PRLR: variants seen among roughly 807,000 people sequenced by gnomAD.
PRLR encodes the protein prolactin receptor.
PRLR carries 13 observed loss-of-function variants against 40.2 expected under a neutral mutation model. That is an observed-to-expected ratio of 0.32 (90% confidence interval 0.21 to 0.51). PRLR has a LOEUF of 0.51. Among genes scored for constraint, PRLR ranks in the 20% least tolerant of loss-of-function variants. The probability of loss-of-function intolerance (pLI) is 0.97; values close to 1 mark genes in which losing one functional copy is unlikely to be tolerated. For missense variants in PRLR, 656 were observed against 747.3 expected (o/e 0.88, Z 1.42); for synonymous variants, 269 against 278.7 (o/e 0.97, Z 0.35).
intron 1 of PRLR, among the ~76,000 whole-genome samples, chr5:35,222,305 GA>G (rs33922370): frequency 0.77 from 115,143 of 149,826 alleles, 44,402 homozygotes; most frequent in Middle Eastern, 0.82. Context: ...CCATCCAAAA[GA>G]AAAAAAAAAA....
At chr5:35,176,080 GC>G (rs1775139833) in intron 1 of PRLR, among the ~76,000 whole-genome samples, 1 of 152,028 alleles carries the variant, frequency 6.6e-6, no homozygotes, top group East Asian at 1.9e-4. Context: ...TGCACATGCA[GC>G]CCCCATGTTT....
At chr5:35,086,179 G>A (rs754834185) in intron 4 of PRLR, 29 bp downstream of exon 4, 7 of 1,612,592 alleles carry the variant, frequency 4.3e-6, no homozygotes, top group East Asian at 2.2e-5. Flanking sequence ...CTCATGTGGG[G>A]TTTCATAGGA....
At chr5:35,208,960 A>C (rs1242887158) in intron 1 of PRLR, among the ~76,000 whole-genome samples, 1 of 152,178 alleles carries the variant, frequency 6.6e-6, no homozygotes, top group African/African-American at 2.4e-5. Context: ...GTACATCCAT[A>C]TGACGGAATG....
intron 8 of PRLR, among the ~76,000 whole-genome samples, chr5:35,050,549 A>G (rs998080903): frequency 6.6e-6 from 1 of 152,232 alleles, no homozygotes; most frequent in Non-Finnish European, 1.5e-5. Flanking sequence ...CCTTTCATCA[A>G]GTAGGAAAAT....
At chr5:35,147,735 C>T (rs928133310) in intron 1 of PRLR, among the ~76,000 whole-genome samples, 1 of 152,030 alleles carries the variant, frequency 6.6e-6, no homozygotes, top group African/African-American at 2.4e-5. Context: ...GAAGAAAGGC[C>T]TTGGTTTATA....
Position 35,060,765 on chromosome 5 carries a change from T to C in PRLR, c.*4324A>G, listed in dbSNP as rs1294759273. ...GTCAATGGCACATCTACGTTAGCAA[T>C]GCTTGGGATGGTAATTCAAAGTCAT... On this transcript the variant is annotated 3_prime_UTR_variant, in exon 10 of 10. Transcript: ENST00000618457. 5 of 152,228 alleles carry C rather than the reference T, an allele frequency of 3.3e-5. No individual in the cohort carries two copies. Among genetic ancestry groups the C allele is most frequent in the African/African-American group, 1.2e-4 (5 of 41,464 alleles). The allele number at this position is 152,228 out of a possible 1,614,324, so 9.4% of individuals were successfully genotyped here. A position where few individuals can be genotyped will look rare whatever the true frequency, so the allele number is the denominator to read the frequency against.
chr5:35,158,684 T>C (rs907417381), intron 1 of PRLR, among the ~76,000 whole-genome samples: 1 of 152,006 alleles, frequency 6.6e-6, no homozygotes, highest in Non-Finnish European at 1.5e-5. Context: ...AGTGAGAACA[T>C]GACTCAAGCA....
In PRLR at chr5:35,065,756, C is replaced by T. The variant is rs375733938; in HGVS notation, c.1202G>A (p.Gly401Asp). 34 of 1,613,920 alleles carry T rather than the reference C, an allele frequency of 2.1e-5. No individual in the cohort carries two copies. The highest frequency in any genetic ancestry group is 2.8e-5 in the Non-Finnish European group (33 of 1,180,004). Residue 401 changes from glycine to aspartate, a missense_variant, in exon 10 of 10, where the codon GGC (glycine) becomes GAC (aspartate). This residue lies in a region of PRLR where 469 missense variants were observed against 491.5 expected (regional missense o/e 0.95). Coordinates refer to ENST00000618457, the MANE Select transcript of PRLR (RefSeq NM_000949.7). ...TWDPQCISME[G>D]KIPYFHAGGS... ...ACCAGCATGAAAATAGGGGATTTTG[C>T]CTTCCATGCTTATGCACTGGGGGTC... is the stretch of plus-strand genomic sequence containing the variant.
chr5:35,130,319 G>T (rs1773625875), intron 1 of PRLR: 1 of 152,240 alleles, frequency 6.6e-6, no homozygotes, highest in Non-Finnish European at 1.5e-5. Flanking sequence ...AGGCAGCTGT[G>T]GTTTCAGCAA....
intron 5 of PRLR, among the ~76,000 whole-genome samples, chr5:35,077,651 AG>A (rs771913292): frequency 1.8e-4 from 27 of 152,340 alleles, no homozygotes; most frequent in Non-Finnish European, 3.2e-4. Context: ...TCGACGACAC[AG>A]AAAGTTAACA....
intron 1 of PRLR, among the ~76,000 whole-genome samples, chr5:35,211,179 C>CA (rs952997238): frequency 3.3e-5 from 5 of 152,182 alleles, no homozygotes; most frequent in Non-Finnish European, 5.9e-5. Context: ...TTGCAAAAGT[C>CA]AATGTTTTCT....
At position 35,056,914 on chromosome 5, in the gene PRLR, CA is replaced by C. The variant is rs1430523906; in HGVS notation, c.*8174del. ...AGGAGGCAGAGAAGAACTTGGAAAGCAAAACCACACACCATTTCACAATTCT... is the reference window on the plus strand; with the variant it reads ...AGGAGGCAGAGAAGAACTTGGAAAGCAAACCACACACCATTTCACAATTCT... On this transcript the variant is annotated 3_prime_UTR_variant, in exon 10 of 10. Transcript: ENST00000618457. 31 of 152,238 alleles carry C rather than the reference CA, an allele frequency of 2.0e-4. No homozygotes were observed. The highest frequency in any genetic ancestry group is 3.8e-4 in the Non-Finnish European group (26 of 67,998). The allele number at this position is 152,238 out of a possible 1,614,324, so 9.4% of individuals were successfully genotyped here.
chr5:35,192,464 C>A (rs568550379), intron 1 of PRLR, among the ~76,000 whole-genome samples: 1 of 152,026 alleles, frequency 6.6e-6, no homozygotes, highest in East Asian at 1.9e-4. Flanking sequence ...AGAAAGAAAG[C>A]GTGTAGGGTA....
chr5:35,126,041 T>A (rs1381194674), intron 1 of PRLR, among the ~76,000 whole-genome samples: 1 of 152,218 alleles, frequency 6.6e-6, no homozygotes, highest in Non-Finnish European at 1.5e-5. Flanking sequence ...TATCCAAAGC[T>A]GCCTTCTTCA....
At chr5:35,077,018 C>A (rs1770148826) in intron 5 of PRLR, among the ~76,000 whole-genome samples, 1 of 152,168 alleles carries the variant, frequency 6.6e-6, no homozygotes, top group African/African-American at 2.4e-5. Flanking sequence ...CACTACCAGG[C>A]CTGCCTTACA....
At chr5:35,205,871 A>G (rs1264391835) in intron 1 of PRLR, among the ~76,000 whole-genome samples, 3 of 152,228 alleles carry the variant, frequency 2.0e-5, no homozygotes, top group Admixed American at 6.5e-5. Context: ...AGCCCAGTAC[A>G]TATTGAACAG....
At chr5:35,210,909 G>A (rs948471339) in intron 1 of PRLR, among the ~76,000 whole-genome samples, 2 of 151,976 alleles carry the variant, frequency 1.3e-5, no homozygotes, top group Admixed American at 6.6e-5. Flanking sequence ...ACAGCATTTC[G>A]CTATGTTGCC....
chr5:35,186,859 G>A (rs1003271676), intron 1 of PRLR, among the ~76,000 whole-genome samples: 5 of 152,130 alleles, frequency 3.3e-5, no homozygotes, highest in Admixed American at 6.5e-5. Context: ...TCTGCACCCC[G>A]CTGTGTGATA....
At chr5:35,114,592 C>T (rs1561312230) in intron 2 of PRLR, among the ~76,000 whole-genome samples, 2 of 152,200 alleles carry the variant, frequency 1.3e-5, no homozygotes, top group East Asian at 3.9e-4. Context: ...GACTTGGAAA[C>T]TCATTGCTCT....
Sources: gnomAD v4.1 joint callset for allele counts (sites outside exome capture counted in the v4.1 genomes callset) on GRCh38, gnomAD v4.1.1 for gene constraint, gnomAD v4.1.1 regional missense constraint, MANE v1.5 for transcripts, NCBI Gene and HGNC (gene_info 2026-07-23, HGNC 2026-07-21) for gene names.